The following PTPRM variants were observed in gnomAD, a reference collection of about 807,000 sequenced individuals.
PTPRM encodes the protein protein tyrosine phosphatase receptor type M.
In PTPRM, 47 loss-of-function variants were observed where a neutral mutation model predicts 186.7. The observed-to-expected ratio is 0.25, with a 90% CI of 0.20 to 0.32. The LOEUF (loss-of-function observed/expected upper bound fraction) is 0.32. Among genes scored for constraint, PTPRM ranks in the 10% least tolerant of loss-of-function variants. The pLI is 1.00. For missense variants in PTPRM, 1,494 were observed against 1,865.0 expected, an observed-to-expected ratio of 0.80 and a Z score of 3.66; for synonymous variants, 668 against 674.9, an observed-to-expected ratio of 0.99 and a Z score of 0.16.
chr18:7,913,243 T>G (rs990926318), intron 4 of PTPRM, among the ~76,000 whole-genome samples: 19 of 152,320 alleles, frequency 1.2e-4, no homozygotes, highest in Admixed American at 9.8e-4. Flanking sequence ...TTTTGGTGGA[T>G]CCATAGGATT....
chr18:8,362,869 G>A lies in PTPRM; in HGVS notation c.3055-8021G>A, dbSNP rs74962330. The stretch of plus-strand genomic sequence containing the variant: ...TTACAGATGGGAAAATGGAGCCAAA[G>A]TCACACAGCTAATAAATGGGACCTG... On this transcript the variant is annotated intron_variant, in intron 23 of 32. Coordinates refer to ENST00000580170, the MANE Select transcript of PTPRM (RefSeq NM_001105244.2). Among the ~76,000 whole-genome samples, 592 of 152,346 alleles carry A rather than the reference G, an allele frequency of 3.9e-3. 3 individuals are homozygous for A. Among genetic ancestry groups the A allele is most frequent in the Middle Eastern group, 0.014 (4 of 294 alleles).
At chr18:7,659,008 C>T (rs1446259998) in intron 1 of PTPRM, among the ~76,000 whole-genome samples, 3 of 152,126 alleles carry the variant, frequency 2.0e-5, no homozygotes, top group Admixed American at 2.0e-4. Flanking sequence ...GTTCTGCAGA[C>T]AGCTACCATT....
intron 2 of PTPRM, among the ~76,000 whole-genome samples, chr18:7,849,688 A>T (rs1199981721): frequency 6.6e-6 from 1 of 152,232 alleles, no homozygotes; most frequent in African/African-American, 2.4e-5. Flanking sequence ...GGAGCTGTTG[A>T]AAACTATGCA....
At chr18:7,966,650 CA>C (rs1295725069) in intron 7 of PTPRM, among the ~76,000 whole-genome samples, 22 of 148,626 alleles carry the variant, frequency 1.5e-4, no homozygotes, top group African/African-American at 5.4e-4. Flanking sequence ...CTGGGAAGCG[CA>C]AGGGGTCAGG....
chr18:8,140,415 G>C (rs770201833), intron 13 of PTPRM, among the ~76,000 whole-genome samples: 1 of 145,174 alleles, frequency 6.9e-6, no homozygotes, highest in African/African-American at 2.6e-5. Flanking sequence ...ATACTGCATT[G>C]GTTAATCATT....
At chr18:7,983,228 A>G (rs897934401) in intron 7 of PTPRM, among the ~76,000 whole-genome samples, 2 of 151,864 alleles carry the variant, frequency 1.3e-5, no homozygotes, top group Non-Finnish European at 2.9e-5. Flanking sequence ...CGGCCATTAG[A>G]TTTTCGTGGG....
At chr18:7,874,796 G>A (rs2048152385) in intron 2 of PTPRM, among the ~76,000 whole-genome samples, 1 of 152,190 alleles carries the variant, frequency 6.6e-6, no homozygotes, top group Non-Finnish European at 1.5e-5. Flanking sequence ...AAATCAAGAT[G>A]CACTGAGTTC....
At chr18:7,928,542 A>G (rs745522028) in intron 5 of PTPRM, among the ~76,000 whole-genome samples, 1 of 152,206 alleles carries the variant, frequency 6.6e-6, no homozygotes, top group African/African-American at 2.4e-5. Context: ...CATTTTCCAC[A>G]GAGTATTAAG....
chr18:7,628,534 T>C (rs1249463778), intron 1 of PTPRM, among the ~76,000 whole-genome samples: 1 of 152,236 alleles, frequency 6.6e-6, no homozygotes, highest in Non-Finnish European at 1.5e-5. Context: ...TCATATAATC[T>C]GTTAAAACCA....
Position 7,567,559 on chromosome 18 carries a change from G to C in PTPRM, c.-260G>C. On this transcript the variant is annotated 5_prime_UTR_variant, in exon 1 of 33. Transcript: ENST00000580170. This position sits in a 1 kb window ranked among gnomAD's most constrained non-coding sequence, Gnocchi z 4.3. ...GGGAAGATTTTGGCTCCGCGGGCTCGCCCTCCGCTCCCTCTGCCAGCGGCG... is the reference window on the plus strand; with the variant it reads ...GGGAAGATTTTGGCTCCGCGGGCTCCCCCTCCGCTCCCTCTGCCAGCGGCG... 1 of 374,360 alleles carries C rather than the reference G, an allele frequency of 2.7e-6. No individual in the cohort carries two copies. The highest frequency in any genetic ancestry group is 4.7e-6 in the Non-Finnish European group (1 of 211,782). The allele number at this position is 374,360 out of a possible 1,614,324, so 23.2% of individuals were successfully genotyped here. A position where few individuals can be genotyped will look rare whatever the true frequency, so the allele number is the denominator to read the frequency against.
At chr18:7,913,135 C>T (rs187141592) in intron 4 of PTPRM, among the ~76,000 whole-genome samples, 9 of 145,860 alleles carry the variant, frequency 6.2e-5, no homozygotes, top group Admixed American at 2.0e-4. Flanking sequence ...TTTTATTTTT[C>T]GATTGTTCAT....
intron 14 of PTPRM, among the ~76,000 whole-genome samples, chr18:8,172,641 C>G (rs1177009493): frequency 2.7e-5 from 4 of 149,570 alleles, no homozygotes; most frequent in Non-Finnish European, 5.9e-5. Flanking sequence ...GCCGACATTT[C>G]TTGTGTCCTA....
At position 8,253,306 on chromosome 18, in the gene PTPRM, G is replaced by A. The variant is rs78499397; in HGVS notation, c.2646G>A (p.Val882=). The A allele has an allele frequency of 8.0e-4, 1,277 of 1,599,052 alleles. 11 individuals carry two copies. The African/African-American group carries it at 0.016, about 20-fold the overall frequency. Residue 882 remains valine (V), a synonymous_variant, in exon 19 of 33, where the codon GTG becomes GTA. Coordinates refer to ENST00000580170, the MANE Select transcript of PTPRM (RefSeq NM_001105244.2). Reference sequence around the variant, plus strand: ...ACAAGAAGCGAGAGCCGGCCGACGTGCCCTATCAGACTGGGCAGCTCCACC... The same window carrying A: ...ACAAGAAGCGAGAGCCGGCCGACGTACCCTATCAGACTGGGCAGCTCCACC... The part of the protein sequence containing the change: ...HTYKKREPAD[V]PYQTGQLHPA...
chr18:7,602,416 T>G (rs900313450), intron 1 of PTPRM, among the ~76,000 whole-genome samples: 1 of 151,644 alleles, frequency 6.6e-6, no homozygotes, highest in African/African-American at 2.4e-5. Context: ...TCTGGGAAGT[T>G]TGATTGTGGC....
intron 1 of PTPRM, among the ~76,000 whole-genome samples, chr18:7,684,183 C>T (rs906217134): frequency 4.6e-5 from 7 of 151,892 alleles, no homozygotes; most frequent in Non-Finnish European, 7.4e-5. Flanking sequence ...GCCTGTAGTC[C>T]TAGCTATTCG....
chr18:8,096,911 G>A (rs1251036481), intron 11 of PTPRM, among the ~76,000 whole-genome samples: 1 of 152,176 alleles, frequency 6.6e-6, no homozygotes, highest in African/African-American at 2.4e-5. Context: ...TCACTAAGCC[G>A]GTATGCTTCT....
chr18:8,329,825 G>A (rs2095401786), intron 22 of PTPRM, among the ~76,000 whole-genome samples: 1 of 151,990 alleles, frequency 6.6e-6, no homozygotes, highest in African/African-American at 2.4e-5. Context: ...AAGAGACATG[G>A]TCTCACTCTG....
At chr18:7,741,200 TG>T (rs540379660) in intron 1 of PTPRM, 174 of 152,338 alleles carry the variant, frequency 1.1e-3, no homozygotes, top group African/African-American at 4.1e-3. Context: ...AGAAACCTTC[TG>T]AAAAATTTTT....
At chr18:7,769,470 T>C (rs1262681966) in intron 1 of PTPRM, among the ~76,000 whole-genome samples, 1 of 152,174 alleles carries the variant, frequency 6.6e-6, no homozygotes, top group Admixed American at 6.5e-5. Flanking sequence ...ATACTGTAAA[T>C]TTATGATCAG....
Sources: gnomAD v4.1 joint callset for allele counts (sites outside exome capture counted in the v4.1 genomes callset) on GRCh38, gnomAD v4.1.1 for gene constraint, Gnocchi (gnomAD v3.1) non-coding constraint, MANE v1.5 for transcripts, NCBI Gene and HGNC (gene_info 2026-07-23, HGNC 2026-07-21) for gene names.